The following SHANK1 variants were observed in gnomAD, a reference collection of about 807,000 sequenced individuals.
SHANK1 encodes SH3 and multiple ankyrin repeat domains 1, also known as SH3 and multiple ankyrin repeat domains protein 1.
A neutral mutation model predicts 165.6 loss-of-function variants in SHANK1; 35 were observed. That is an observed-to-expected ratio of 0.21 (90% CI 0.16 to 0.28). SHANK1 has a LOEUF of 0.28. SHANK1 is among the 10% of genes least tolerant of loss of function. The probability of loss-of-function intolerance (pLI) is 1.00; values close to 1 mark genes in which losing one functional copy is unlikely to be tolerated. For missense variants in SHANK1, 2,681 were observed against 3,036.4 expected (o/e 0.88, Z 2.75); for synonymous variants, 1,428 against 1,384.8 (o/e 1.03, Z -0.69).
In SHANK1 at chr19:50,716,777, G is replaced by C. The variant is rs756211849; in HGVS notation, c.143C>G (p.Pro48Arg). 19 of 1,607,668 alleles carry C rather than the reference G, an allele frequency of 1.2e-5. No individual in the cohort carries two copies. The highest frequency in any genetic ancestry group is 1.5e-5 in the Non-Finnish European group (18 of 1,177,180). Residue 48 changes from proline (P) to arginine (R), a missense_variant, in exon 2 of 24, where the codon CCT becomes CGT. Transcript: ENST00000293441. The surrounding 1 kb of genome is among the most constrained non-coding windows in gnomAD (Gnocchi z 8.4). ...GCCTCTAACAGAGGCCAGGCTACCAGGTGCCCCACTGCCCTGGCCCCGGGT... is the reference window on the plus strand; with the variant it reads ...GCCTCTAACAGAGGCCAGGCTACCACGTGCCCCACTGCCCTGGCCCCGGGT... ...RGTRGQGSGA[P>R]GSLASVRGLQ...
At chr19:50,693,700 A>G (rs1305062991) in intron 15 of SHANK1, among the ~76,000 whole-genome samples, 1 of 152,046 alleles carries the variant, frequency 6.6e-6, no homozygotes, top group Non-Finnish European at 1.5e-5. Context: ...GCCTGCCCAG[A>G]GGCCACCACA....
At position 50,688,999 on chromosome 19, in the gene SHANK1, A is replaced by C. The variant is rs1184234919; in HGVS notation, c.2048-31T>G. On this transcript the variant is annotated intron_variant, in intron 16 of 23. Coordinates refer to ENST00000293441, the MANE Select transcript of SHANK1 (RefSeq NM_016148.5). This position sits in a 1 kb window ranked among gnomAD's most constrained non-coding sequence, Gnocchi z 6.7. The stretch of plus-strand genomic sequence containing the variant: ...GACAGGGAGGAGCCGGCGGGGTCGG[A>C]GGGGAGGGGGTGGAGAGGCCGAGCA... 2.5e-6 allele frequency: 3 copies of C among 1,214,516 alleles called. No individual in the cohort carries two copies. The highest frequency in any genetic ancestry group is 1.6e-5 in the African/African-American group (1 of 62,974). 75.2% of individuals were successfully genotyped at this position (1,214,516 alleles called of 1,614,324 possible). A position where few individuals can be genotyped will look rare whatever the true frequency, so the allele number is the denominator to read the frequency against.
chr19:50,682,709 C>T (rs534472852), intron 21 of SHANK1, among the ~76,000 whole-genome samples: 2 of 152,284 alleles, frequency 1.3e-5, no homozygotes, highest in South Asian at 2.1e-4. Context: ...AGTGGGAGTA[C>T]ATTCCAGACT....
chr19:50,669,099 A>G lies in SHANK1; in HGVS notation c.2861T>C (p.Phe954Ser). The change falls in exon 23 of 24, where the codon TTC (phenylalanine) becomes TCC (serine). Residue 954 changes from phenylalanine (F) to serine (S), a missense_variant. Phe to Ser is a radical substitution (Grantham distance 155). Coordinates refer to ENST00000293441, the MANE Select transcript of SHANK1 (RefSeq NM_016148.5). The stretch of plus-strand genomic sequence containing the variant: ...GAGGGGGCCACCAGAGCCAGGGTTG[A>G]AGGGCCCTCCCCGAGGGGAGGGGGT... ...RLTPSPRGGP[F>S]NPGSGGPLPA... is the part of the protein sequence containing the mutation. The G allele has an allele frequency of 6.9e-7, 1 of 1,452,202 alleles. No individual in the cohort carries two copies. The highest frequency in any genetic ancestry group is 9.2e-7 in the Non-Finnish European group (1 of 1,090,300). 90.0% of individuals were successfully genotyped at this position (1,452,202 alleles called of 1,614,324 possible).
rs959775918 is a variant in SHANK1, at chr19:50,661,774, C to G, written c.*191G>C. On this transcript the variant is annotated 3_prime_UTR_variant, in exon 24 of 24. Transcript: ENST00000293441. Reference sequence around the variant, plus strand: ...ACACACACTCTTGTGTCAGCTGCCCCCCTTCAGTGAGGTGCAAATGTCCGG... The same window carrying G: ...ACACACACTCTTGTGTCAGCTGCCCGCCTTCAGTGAGGTGCAAATGTCCGG... 6.5e-6 allele frequency: 4 copies of G among 614,164 alleles called. No homozygotes were observed. The highest frequency in any genetic ancestry group is 2.9e-5 in the Admixed American group (1 of 34,510). The allele number at this position is 614,164 out of a possible 1,614,324, so 38.0% of individuals were successfully genotyped here.
In SHANK1 at chr19:50,716,742, G is replaced by T; in HGVS notation, c.178C>A (p.Arg60Ser). 1 of 1,607,428 alleles carries T rather than the reference G, an allele frequency of 6.2e-7. No homozygotes were observed. The highest frequency in any genetic ancestry group is 1.1e-5 in the South Asian group (1 of 90,528). Residue 60 changes from arginine (R) to serine (S), a missense_variant, in exon 2 of 24, where the codon CGC (arginine) becomes AGC (serine). Physicochemically the swap from Arg to Ser is moderately radical, Grantham distance 110. Around this residue, in one of 10 missense-constraint regions of SHANK1, gnomAD observed 118 missense variants for 106.9 expected, o/e 1.10. Transcript: ENST00000293441. The surrounding 1 kb of genome is among the most constrained non-coding windows in gnomAD (Gnocchi z 8.4). ...GCGTCGTCTGGGACGGACATTGAGC[G>T]GCCCTGGAGGCCTCTAACAGAGGCC... ...SLASVRGLQG[R>S]SMSVPDDAHF...
rs149720011 is a variant in SHANK1 at position 50,670,388 on chromosome 19, T to C, written c.2675-1103A>G. Among the ~76,000 whole-genome samples, 556 of 152,292 alleles carry C rather than the reference T, an allele frequency of 3.7e-3. 1 individual carries two copies. Among genetic ancestry groups the C allele is most frequent in the Non-Finnish European group, 6.4e-3 (437 of 68,036 alleles). Reference sequence around the variant, plus strand: ...AACACCCTGGGCCAGCCACTATCATTTCCTATCTGGATAGCAATAGCTGTC... The same window carrying C: ...AACACCCTGGGCCAGCCACTATCATCTCCTATCTGGATAGCAATAGCTGTC... On this transcript the variant is annotated intron_variant, in intron 22 of 23. Coordinates refer to ENST00000293441, the MANE Select transcript of SHANK1 (RefSeq NM_016148.5). This position sits in a 1 kb window ranked among gnomAD's most constrained non-coding sequence, Gnocchi z 4.1.
chr19:50,693,471 C>T (rs1986609448), intron 15 of SHANK1, among the ~76,000 whole-genome samples: 1 of 152,006 alleles, frequency 6.6e-6, no homozygotes, highest in Admixed American at 6.5e-5. Flanking sequence ...ATGCTTTTCC[C>T]CAGGCCATCC....
intron 21 of SHANK1, among the ~76,000 whole-genome samples, chr19:50,677,586 C>T (rs1205734227): frequency 6.6e-6 from 1 of 152,216 alleles, no homozygotes; most frequent in Non-Finnish European, 1.5e-5. Flanking sequence ...GACTGATTCA[C>T]TCTTATACCT....
chr19:50,692,162 G>A (rs551585318), intron 15 of SHANK1, among the ~76,000 whole-genome samples: 8 of 152,122 alleles, frequency 5.3e-5, no homozygotes, highest in South Asian at 2.1e-4. Flanking sequence ...CCATCTGCTC[G>A]GAATCCACCC....
In SHANK1 at chr19:50,719,713, T is replaced by C. The variant is rs1455924797; in HGVS notation, c.-351A>G. 6.8e-6 allele frequency among the ~76,000 whole-genome samples: 1 copy of C among 146,572 alleles called. No homozygotes were observed. ...CCGGGCGCCGCGTCTCCGCCTGCTC[T>C]TCCTCCTCCTCTTCCTCGGGCCGCC... On this transcript the variant is annotated 5_prime_UTR_variant, in exon 1 of 24. Coordinates refer to ENST00000293441, the MANE Select transcript of SHANK1 (RefSeq NM_016148.5).
At chr19:50,673,997 T>C (rs983745208) in intron 21 of SHANK1, among the ~76,000 whole-genome samples, 1 of 152,084 alleles carries the variant, frequency 6.6e-6, no homozygotes, top group Non-Finnish European at 1.5e-5. Flanking sequence ...CTTGCTATGT[T>C]GCCCAGGCTC....
Position 50,662,849 on chromosome 19 carries a change from C to T in SHANK1, c.5769-167G>A, listed in dbSNP as rs1042975047. Among the ~76,000 whole-genome samples the T allele has an allele frequency of 4.0e-5, 6 of 151,506 alleles. No homozygotes were observed. The highest frequency in any genetic ancestry group is 1.2e-4 in the African/African-American group (5 of 41,130). On this transcript the variant is annotated intron_variant, in intron 23 of 23. Transcript: ENST00000293441. This position sits in a 1 kb window ranked among gnomAD's most constrained non-coding sequence, Gnocchi z 7.7. Reference sequence around the variant, plus strand: ...GAAATGGAGGGAGCAAGGGGTAAGACGGCCGGCCGTCGAGGAAAGAAATGA... The same window carrying T: ...GAAATGGAGGGAGCAAGGGGTAAGATGGCCGGCCGTCGAGGAAAGAAATGA...
At chr19:50,711,294 G>A (rs914107234) in intron 8 of SHANK1, 77 bp downstream of exon 8, 45 of 877,670 alleles carry the variant, frequency 5.1e-5, no homozygotes, top group Non-Finnish European at 4.1e-5. Context: ...GCAGTCAAGA[G>A]GAGTGTCTGA....
chr19:50,672,787 A>C (rs894665897), intron 21 of SHANK1, among the ~76,000 whole-genome samples: 1 of 151,644 alleles, frequency 6.6e-6, no homozygotes, highest in Non-Finnish European at 1.5e-5. Flanking sequence ...TTGATCCCCC[A>C]CCCTGTTCCA....
intron 8 of SHANK1, among the ~76,000 whole-genome samples, chr19:50,707,619 G>A (rs542405662): frequency 1.2e-3 from 179 of 151,418 alleles, no homozygotes; most frequent in African/African-American, 4.2e-3. Context: ...GGAGTGCAGT[G>A]GCGTGATCTC....
chr19:50,709,034 G>A (rs1328702603), intron 8 of SHANK1, among the ~76,000 whole-genome samples: 2 of 152,216 alleles, frequency 1.3e-5, no homozygotes, highest in African/African-American at 4.8e-5. Context: ...GACAAGGGGG[G>A]AAATGGAGGA....
chr19:50,668,430 G>A lies in SHANK1; in HGVS notation c.3530C>T (p.Thr1177Ile). The change falls in exon 23 of 24, where the codon ACC becomes ATC. Residue 1177 changes from threonine to isoleucine, a missense_variant. Thr to Ile is a moderately conservative substitution (Grantham distance 89, BLOSUM62 -1). Coordinates refer to ENST00000293441, the MANE Select transcript of SHANK1 (RefSeq NM_016148.5). ...CGGCTGGGTGGGGGGCTCCGCCTCG[G>A]TGCTGCTGCCCTGGCTGCTGCGGCC... The part of the protein sequence containing the change: ...SSGRSSQGSS[T>I]EAEPPTQPEP... 7.5e-7 allele frequency: 1 copy of A among 1,332,052 alleles called. No individual in the cohort carries two copies. The highest frequency in any genetic ancestry group is 9.6e-7 in the Non-Finnish European group (1 of 1,039,756). The allele number at this position is 1,332,052 out of a possible 1,614,324, so 82.5% of individuals were successfully genotyped here. A position where few individuals can be genotyped will look rare whatever the true frequency, so the allele number is the denominator to read the frequency against.
rs1304629703 is a variant in SHANK1 at position 50,688,820 on chromosome 19, G to A, written c.2172+24C>T. 6.2e-7 allele frequency: 1 copy of A among 1,602,504 alleles called. No individual in the cohort carries two copies. The highest frequency in any genetic ancestry group is 8.5e-7 in the Non-Finnish European group (1 of 1,174,158). ...CTGGGAACTTGTCACAGGGTCCCAG[G>A]GAAGAGAGGGGGCCTGGACTGACCT... On this transcript the variant is annotated intron_variant, in intron 17 of 23. Transcript: ENST00000293441. This position sits in a 1 kb window ranked among gnomAD's most constrained non-coding sequence, Gnocchi z 6.7.
Sources: allele counts gnomAD v4.1 joint callset (sites outside exome capture counted in the v4.1 genomes callset), GRCh38; gene constraint gnomAD v4.1.1; regional missense constraint gnomAD v4.1.1; non-coding constraint Gnocchi (gnomAD v3.1); transcripts MANE v1.5; gene names NCBI Gene and HGNC (gene_info 2026-07-23, HGNC 2026-07-21).